IGSF11: variants seen among roughly 807,000 people sequenced by gnomAD.
The protein encoded by IGSF11 is immunoglobulin superfamily member 11, also known as CXADR like 1.
IGSF11 carries 22 observed loss-of-function variants against 41.0 expected under a neutral mutation model. The ratio of observed to expected loss-of-function variants is 0.54; its 90% CI spans 0.38 to 0.77. The LOEUF is 0.77. Ranked by LOEUF, IGSF11 falls within the 30% of genes least tolerant of loss-of-function variation. The pLI, the probability that IGSF11 is intolerant of heterozygous loss-of-function variation, is 0.00. For synonymous variants in IGSF11, 219 were observed against 201.3 expected (o/e 1.09, Z -0.74); for missense variants, 444 against 530.8 (o/e 0.84, Z 1.61).
upstream of IGSF11, among the ~76,000 whole-genome samples, chr3:119,106,215 T>C (rs959561824): frequency 5.9e-5 from 9 of 152,204 alleles, no homozygotes; most frequent in African/African-American, 2.2e-4. Flanking sequence ...AAACAATCCA[T>C]TTATACTTTT....
intron 1 of IGSF11, among the ~76,000 whole-genome samples, chr3:118,989,506 C>A (rs865909214): frequency 6.6e-6 from 1 of 152,154 alleles, no homozygotes; most frequent in East Asian, 1.9e-4. Context: ...GCGCCCACCA[C>A]CACGCCCAGC....
Position 119,105,215 on chromosome 3 carries a change from G to T in IGSF11, c.-23C>A, listed in dbSNP as rs750192586. Reference sequence around the variant, plus strand: ...CATTTATTCTTCTTGCCTGAGGAAGGTGAGAACAGGGGAAGAGAGACTTTA... The same window carrying T: ...CATTTATTCTTCTTGCCTGAGGAAGTTGAGAACAGGGGAAGAGAGACTTTA... On this transcript the variant is annotated 5_prime_UTR_variant, in exon 1 of 7. Transcript: ENST00000354673. The T allele has an allele frequency of 1.9e-6, 3 of 1,550,812 alleles. No homozygotes were observed. In the East Asian group the frequency reaches 6.7e-5, roughly 35 times the overall value.
chr3:119,098,539 G>A lies in IGSF11; in HGVS notation c.49+6605C>T, dbSNP rs554095292. Among the ~76,000 whole-genome samples the A allele has an allele frequency of 5.3e-5, 8 of 152,250 alleles. 1 individual carries two copies. In the South Asian group the frequency reaches 1.2e-3, roughly 24 times the overall value. On this transcript the variant is annotated intron_variant, in intron 1 of 6. Transcript: ENST00000354673. The stretch of plus-strand genomic sequence containing the variant: ...ACAGCATAGTGCCTAGCACAATAGA[G>A]ATTAACACATTTGCTGTATGAATAA...
intron 1 of IGSF11, among the ~76,000 whole-genome samples, chr3:119,100,405 G>T (rs915368269): frequency 2.0e-5 from 3 of 152,198 alleles, no homozygotes; most frequent in Non-Finnish European, 4.4e-5. Flanking sequence ...GAATAAAGAA[G>T]TCCCTGAGGC....
intron 1 of IGSF11, among the ~76,000 whole-genome samples, chr3:119,117,414 A>T (rs1188777422): frequency 6.6e-6 from 1 of 152,224 alleles, no homozygotes; most frequent in Non-Finnish European, 1.5e-5. Flanking sequence ...GCAGGCAAAG[A>T]GAGCTTGTGC....
upstream of IGSF11, among the ~76,000 whole-genome samples, chr3:119,108,077 T>A (rs1199739431): frequency 6.6e-6 from 1 of 151,362 alleles, no homozygotes; most frequent in African/African-American, 2.4e-5. Context: ...GCGGGCTCTT[T>A]TTTGGTTCCA....
At chr3:119,042,887 A>T (rs1165645699) in intron 1 of IGSF11, among the ~76,000 whole-genome samples, 1 of 152,148 alleles carries the variant, frequency 6.6e-6, no homozygotes, top group Non-Finnish European at 1.5e-5. Context: ...TCATAACAGA[A>T]CAACTGTTAC....
At chr3:119,083,524 AC>A (rs1319689109) in intron 1 of IGSF11, among the ~76,000 whole-genome samples, 1 of 118,566 alleles carries the variant, frequency 8.4e-6, no homozygotes, top group African/African-American at 3.4e-5. Context: ...ACACACACAC[AC>A]ACACACACAC....
At chr3:118,919,370 G>A in intron 4 of IGSF11, among the ~76,000 whole-genome samples, 1 of 114,986 alleles carries the variant, frequency 8.7e-6, no homozygotes, top group Admixed American at 9.0e-5. Context: ...TCTGACAAAG[G>A]GCTAATATCC....
intron 1 of IGSF11, among the ~76,000 whole-genome samples, chr3:118,941,352 C>T (rs1943685994): frequency 6.6e-6 from 1 of 152,060 alleles, no homozygotes; most frequent in Admixed American, 6.6e-5. Flanking sequence ...AGAAAGTATA[C>T]AAATGAGTAA....
chr3:118,936,426 T>C (rs1943283472), intron 1 of IGSF11, among the ~76,000 whole-genome samples: 1 of 151,406 alleles, frequency 6.6e-6, no homozygotes, highest in African/African-American at 2.4e-5. Flanking sequence ...AGAGTCGCTT[T>C]AACCTGGGAG....
chr3:118,997,061 G>C (rs960441628), intron 1 of IGSF11, among the ~76,000 whole-genome samples: 3 of 151,780 alleles, frequency 2.0e-5, no homozygotes, highest in African/African-American at 7.3e-5. Context: ...GGATGTGCAA[G>C]GGGTGACCCT....
intron 1 of IGSF11, among the ~76,000 whole-genome samples, chr3:119,055,851 C>A (rs983946619): frequency 2.6e-5 from 4 of 152,180 alleles, no homozygotes; most frequent in African/African-American, 7.2e-5. Context: ...GGAAACTGAA[C>A]AACCTGCTCC....
At chr3:119,049,609 A>G (rs2107430226) in intron 1 of IGSF11, among the ~76,000 whole-genome samples, 1 of 151,914 alleles carries the variant, frequency 6.6e-6, no homozygotes, top group East Asian at 1.9e-4. Context: ...ATCCCCATCA[A>G]GCTACCAATG....
At chr3:119,025,486 C>T (rs1939732635) in intron 1 of IGSF11, among the ~76,000 whole-genome samples, 1 of 151,914 alleles carries the variant, frequency 6.6e-6, no homozygotes, top group African/African-American at 2.4e-5. Flanking sequence ...CTATGCTAGA[C>T]ACTTTACAGA....
intron 2 of IGSF11, among the ~76,000 whole-genome samples, chr3:118,929,348 A>G (rs533315569): frequency 6.6e-6 from 1 of 152,348 alleles, no homozygotes; most frequent in Admixed American, 6.5e-5. Flanking sequence ...ATAAGGTTGA[A>G]CAAAATGATC....
chr3:119,041,845 TCAG>T (rs1347496695), intron 1 of IGSF11, among the ~76,000 whole-genome samples: 1 of 152,194 alleles, frequency 6.6e-6, no homozygotes, highest in African/African-American at 2.4e-5. Context: ...GGTAATTTTA[TCAG>T]CAGATTTCAC....
In IGSF11 at chr3:119,047,092, C is replaced by T. The variant is rs1220781123; in HGVS notation, c.49+58052G>A. On this transcript the variant is annotated intron_variant, in intron 1 of 6. Coordinates refer to the IGSF11 transcript ENST00000354673. Reference sequence around the variant, plus strand: ...ACTAGGAAGAAACTGCATCAACTAACGAGCAAAATCACCAGCTAACATCAT... The same window carrying T: ...ACTAGGAAGAAACTGCATCAACTAATGAGCAAAATCACCAGCTAACATCAT... Among the ~76,000 whole-genome samples the T allele has an allele frequency of 1.1e-3, 169 of 147,772 alleles. 1 individual carries two copies. The highest frequency in any genetic ancestry group is 3.4e-3 in the Middle Eastern group (1 of 294).
intron 1 of IGSF11, among the ~76,000 whole-genome samples, chr3:118,998,310 C>T (rs1222409996): frequency 6.6e-6 from 1 of 152,048 alleles, no homozygotes; most frequent in Non-Finnish European, 1.5e-5. Context: ...TAAAGGACTA[C>T]TGGTTAAATA....
Sources: gnomAD v4.1 joint callset for allele counts (sites outside exome capture counted in the v4.1 genomes callset) on GRCh38, gnomAD v4.1.1 for gene constraint, MANE v1.5 for transcripts, NCBI Gene and HGNC (gene_info 2026-07-23, HGNC 2026-07-21) for gene names.